The following ASCC3 variants were observed in gnomAD, a reference collection of about 807,000 sequenced individuals.
The protein encoded by ASCC3 is activating signal cointegrator 1 complex subunit 3.
Under a neutral mutation model 256.3 loss-of-function variants are expected in ASCC3, and 158 were observed. The ratio of observed to expected loss-of-function variants is 0.62; its 90% confidence interval spans 0.54 to 0.70. The LOEUF (loss-of-function observed/expected upper bound fraction) is 0.70, where lower values mean the gene tolerates loss of function less well. Ranked by LOEUF, ASCC3 falls within the 30% of genes least tolerant of loss-of-function variation. The pLI is 0.00. For synonymous variants in ASCC3, 948 were observed against 883.4 expected, an observed-to-expected ratio of 1.07 and a Z score of -1.30; for missense variants, 2,259 against 2,626.0, an observed-to-expected ratio of 0.86 and a Z score of 3.05.
chr6:100,643,814 G>A (rs797022746), intron 23 of ASCC3, among the ~76,000 whole-genome samples: 17 of 150,538 alleles, frequency 1.1e-4, no homozygotes, highest in African/African-American at 3.7e-4. Context: ...CACTATGTGG[G>A]GCATTACTGG....
At chr6:100,794,676 A>C (rs1308177697) in intron 8 of ASCC3, among the ~76,000 whole-genome samples, 4 of 152,126 alleles carry the variant, frequency 2.6e-5, no homozygotes, top group African/African-American at 9.7e-5. Context: ...TAGAAAACTT[A>C]AATCTTAAAT....
intron 8 of ASCC3, among the ~76,000 whole-genome samples, chr6:100,776,561 C>T (rs949977894): frequency 1.3e-5 from 2 of 151,992 alleles, no homozygotes; most frequent in Admixed American, 6.6e-5. Flanking sequence ...AATAAGATGA[C>T]TTATTTATGA....
rs531318456 is a variant in ASCC3 at position 100,745,946 on chromosome 6, T to G, written c.1738-20243A>C. On this transcript the variant is annotated intron_variant, in intron 10 of 41. Coordinates refer to ENST00000369162, the MANE Select transcript of ASCC3 (RefSeq NM_006828.4). ...TCATTAAATTTCTTTTAGATATATA[T>G]CTATCGACATAGATAGGCGTTCATG... Among the ~76,000 whole-genome samples, 5 of 152,062 alleles carry G rather than the reference T, an allele frequency of 3.3e-5. No individual in the cohort carries two copies. The East Asian group carries it at 5.9e-4, about 18-fold the overall frequency.
intron 13 of ASCC3, among the ~76,000 whole-genome samples, chr6:100,697,732 A>G (rs1778160081): frequency 6.6e-6 from 1 of 152,168 alleles, no homozygotes; most frequent in South Asian, 2.1e-4. Context: ...CAATATGACA[A>G]TTGGAACTGA....
chr6:100,575,740 G>A (rs1770825234), intron 36 of ASCC3, among the ~76,000 whole-genome samples: 1 of 151,934 alleles, frequency 6.6e-6, no homozygotes, highest in African/African-American at 2.4e-5. Flanking sequence ...AAATTATTGA[G>A]ACATAAGACA....
At chr6:100,631,286 A>C in intron 25 of ASCC3, 73 bp from the exon 26 acceptor site, 1 of 1,234,696 alleles carries the variant, frequency 8.1e-7, no homozygotes, top group Non-Finnish European at 1.2e-6. Flanking sequence ...AGTAAACTCC[A>C]AAAAATTTGT....
At position 100,877,810 on chromosome 6, in the gene ASCC3, C is replaced by A. The variant is rs149058737; in HGVS notation, c.-42+3251G>T. On this transcript the variant is annotated intron_variant, in intron 1 of 41. Transcript: ENST00000369162. ...GCAACAAGAATCTTGCTCTTTTAGT[C>A]TGTTTCAATCACCACATGCATCTCA... 2.5e-3 allele frequency among the ~76,000 whole-genome samples: 383 copies of A among 152,304 alleles called. 1 individual carries two copies. Among genetic ancestry groups the A allele is most frequent in the African/African-American group, 8.8e-3 (364 of 41,572 alleles).
rs540859434 is a variant in ASCC3, at chr6:100,730,385, ACATTTAGTTGAAAAATGTTTGGAAT to A, written c.1738-4707_1738-4683del. Among the ~76,000 whole-genome samples the A allele has an allele frequency of 5.6e-3, 859 of 152,312 alleles. 4 individuals carry two copies. Among genetic ancestry groups the A allele is most frequent in the Admixed American group, 9.8e-3 (150 of 15,286 alleles). The stretch of plus-strand genomic sequence containing the variant: ...TATCTTACAATTGATAAAATATGGT[ACATTTAGTTGAAAAATGTTTGGAAT>A]CTATTAACTAAGCTAAAGAGCAACC... On this transcript the variant is annotated intron_variant, in intron 10 of 41. Transcript: ENST00000369162.
At chr6:100,537,804 C>T (rs533197391) in intron 37 of ASCC3, among the ~76,000 whole-genome samples, 9 of 151,254 alleles carry the variant, frequency 6.0e-5, no homozygotes, top group Admixed American at 2.6e-4. Flanking sequence ...AAAGAGAAAA[C>T]GATTTCTCTT....
At chr6:100,594,280 T>TAC (rs1457288002) in intron 34 of ASCC3, among the ~76,000 whole-genome samples, 4 of 152,150 alleles carry the variant, frequency 2.6e-5, no homozygotes, top group Non-Finnish European at 5.9e-5. Context: ...CAAGCATGCA[T>TAC]ACATATTCTT....
intron 13 of ASCC3, among the ~76,000 whole-genome samples, chr6:100,685,531 A>C (rs1321683084): frequency 6.6e-6 from 1 of 152,236 alleles, no homozygotes; most frequent in Non-Finnish European, 1.5e-5. Flanking sequence ...CAAGCCCTCC[A>C]GGTTATTCTG....
intron 10 of ASCC3, among the ~76,000 whole-genome samples, chr6:100,740,035 C>T (rs563444201): frequency 2.6e-5 from 4 of 151,900 alleles, no homozygotes; most frequent in South Asian, 2.1e-4. Context: ...GGCTGTTAAT[C>T]GGAGGTATTT....
chr6:100,797,338 T>G (rs1361295477), intron 8 of ASCC3, among the ~76,000 whole-genome samples: 1 of 151,612 alleles, frequency 6.6e-6, no homozygotes, highest in African/African-American at 2.4e-5. Flanking sequence ...TAATCCCAGC[T>G]ACTTGGGAGG....
chr6:100,618,091 G>A (rs2114839946), intron 30 of ASCC3, among the ~76,000 whole-genome samples: 1 of 152,308 alleles, frequency 6.6e-6, no homozygotes. Flanking sequence ...GAGAAGGGCT[G>A]CCTATGGCTT....
intron 34 of ASCC3, among the ~76,000 whole-genome samples, chr6:100,600,661 C>A (rs1267893192): frequency 6.6e-6 from 1 of 151,974 alleles, no homozygotes; most frequent in Non-Finnish European, 1.5e-5. Flanking sequence ...TAAGACTTTA[C>A]AATGGTTTAA....
intron 36 of ASCC3, among the ~76,000 whole-genome samples, chr6:100,559,210 T>C (rs987203758): frequency 6.6e-6 from 1 of 152,206 alleles, no homozygotes; most frequent in African/African-American, 2.4e-5. Flanking sequence ...TTTTTTGGCA[T>C]TGCAATCAGA....
intron 10 of ASCC3, among the ~76,000 whole-genome samples, chr6:100,761,203 AAAG>A (rs1186470548): frequency 6.6e-6 from 1 of 152,180 alleles, no homozygotes; most frequent in Non-Finnish European, 1.5e-5. Flanking sequence ...GGCTGAAAGA[AAAG>A]AAGGCCTGGC....
chr6:100,517,845 G>T, intron 38 of ASCC3, 146 bp downstream of exon 38: 1 of 855,246 alleles, frequency 1.2e-6, no homozygotes, highest in Non-Finnish European at 1.8e-6. Context: ...TACGTCACTT[G>T]GCCATGTCTC....
Position 100,540,155 on chromosome 6 carries a change from T to C in ASCC3, c.5775+8A>G, listed in dbSNP as rs759713157. Reference sequence around the variant, plus strand: ...AACACACATAGGTATTAGAAATGACTTTCATACCTGACATACTCTGAGAGC... The same window carrying C: ...AACACACATAGGTATTAGAAATGACCTTCATACCTGACATACTCTGAGAGC... On this transcript the variant is annotated splice_region_variant and intron_variant, in intron 37 of 41. Coordinates refer to ENST00000369162, the MANE Select transcript of ASCC3 (RefSeq NM_006828.4). 2 of 1,607,254 alleles carry C rather than the reference T, an allele frequency of 1.2e-6. No individual in the cohort carries two copies.
Sources: gnomAD v4.1 joint callset for allele counts (sites outside exome capture counted in the v4.1 genomes callset) on GRCh38, gnomAD v4.1.1 for gene constraint, MANE v1.5 for transcripts, NCBI Gene and HGNC (gene_info 2026-07-23, HGNC 2026-07-21) for gene names.